The following KIT variants were observed in gnomAD, a reference collection of about 807,000 sequenced individuals.
The protein encoded by KIT is KIT proto-oncogene, receptor tyrosine kinase, also known as mast/stem cell growth factor receptor Kit.
A neutral mutation model predicts 105.7 loss-of-function variants in KIT; 16 were observed. That is an observed-to-expected ratio of 0.15 (90% CI 0.10 to 0.23). KIT has a LOEUF of 0.23. Among genes scored for constraint, KIT ranks in the 10% least tolerant of loss-of-function variants. The pLI is 1.00. For missense variants in KIT, 858 were observed against 1,213.8 expected, an observed-to-expected ratio of 0.71 and a Z score of 4.36; for synonymous variants, 438 against 441.1, an observed-to-expected ratio of 0.99 and a Z score of 0.09.
At chr4:54,732,936 G>T in intron 16 of KIT, 134 bp from the exon 17 acceptor site, 2 of 679,746 alleles carry the variant, frequency 2.9e-6, no homozygotes, top group Non-Finnish European at 2.5e-6. Flanking sequence ...TATTTTTGGT[G>T]TACTGAATAC....
chr4:54,680,702 T>G (rs1718848039), intron 1 of KIT, among the ~76,000 whole-genome samples: 1 of 152,120 alleles, frequency 6.6e-6, no homozygotes, highest in Admixed American at 6.5e-5. Flanking sequence ...TTATTTGTCT[T>G]CCTCAAAACT....
intron 17 of KIT, among the ~76,000 whole-genome samples, chr4:54,735,967 G>T (rs548059152): frequency 3.9e-5 from 6 of 152,220 alleles, no homozygotes; most frequent in Non-Finnish European, 4.4e-5. Flanking sequence ...GGGGGCCCTT[G>T]CACTAGAGAA....
intron 2 of KIT, among the ~76,000 whole-genome samples, 197 bp from the exon 3 acceptor site, chr4:54,698,087 G>A (rs567374405): frequency 6.6e-6 from 1 of 152,258 alleles, no homozygotes; most frequent in Admixed American, 6.5e-5. Context: ...CAAGCTTAGT[G>A]CGTGATACAT....
chr4:54,698,185 C>A, intron 2 of KIT, 99 bp from the exon 3 acceptor site: 1 of 1,237,288 alleles, frequency 8.1e-7, no homozygotes. Flanking sequence ...GCCATTTGGG[C>A]CACTAGTCAT....
chr4:54,710,905 G>A (rs1475304684), intron 7 of KIT, among the ~76,000 whole-genome samples: 1 of 152,132 alleles, frequency 6.6e-6, no homozygotes, highest in African/African-American at 2.4e-5. Context: ...TGACAAACAT[G>A]TTGAGCCAGC....
intron 1 of KIT, among the ~76,000 whole-genome samples, chr4:54,689,306 A>C (rs986292415): frequency 6.6e-6 from 1 of 152,206 alleles, no homozygotes; most frequent in African/African-American, 2.4e-5. Context: ...TATCGAATAC[A>C]ACTCCCATAA....
At chr4:54,716,987 A>G (rs1721544451) in intron 7 of KIT, among the ~76,000 whole-genome samples, 1 of 152,184 alleles carries the variant, frequency 6.6e-6, no homozygotes, top group Non-Finnish European at 1.5e-5. Flanking sequence ...TAATCTTTTT[A>G]TAGATAATAT....
intron 7 of KIT, among the ~76,000 whole-genome samples, chr4:54,719,138 G>A (rs1186787077): frequency 2.0e-5 from 3 of 152,172 alleles, no homozygotes; most frequent in Non-Finnish European, 4.4e-5. Flanking sequence ...TTAAGTGTTT[G>A]CGTTTTTTGT....
chr4:54,733,520 C>A, intron 17 of KIT: 1 of 297,368 alleles, frequency 3.4e-6, no homozygotes, highest in South Asian at 3.3e-5. Flanking sequence ...TTGAAGGTCA[C>A]AGCAGGAGAA....
At chr4:54,678,008 G>A (rs1718605866) in intron 1 of KIT, among the ~76,000 whole-genome samples, 2 of 152,302 alleles carry the variant, frequency 1.3e-5, no homozygotes, top group South Asian at 2.1e-4. Flanking sequence ...GTTGATTGAT[G>A]TGTGGTTTTT....
At chr4:54,707,057 G>A (rs750545334) in intron 5 of KIT, 41 bp from the exon 6 acceptor site, 2 of 1,162,400 alleles carry the variant, frequency 1.7e-6, no homozygotes, top group Non-Finnish European at 2.6e-6. Context: ...TCCAGTAGTT[G>A]TAGATAATGG....
At chr4:54,696,503 A>G (rs76488216) in intron 2 of KIT, among the ~76,000 whole-genome samples, 2,357 of 152,184 alleles carry the variant, frequency 0.015, 76 homozygotes, top group African/African-American at 0.053. Context: ...ATAGAGTTCT[A>G]TTTTCTAGTT....
chr4:54,735,206 T>A (rs1038433679), intron 17 of KIT, among the ~76,000 whole-genome samples: 25 of 152,078 alleles, frequency 1.6e-4, no homozygotes, highest in Admixed American at 1.6e-3. Flanking sequence ...AAAATAAGGA[T>A]GTCATTTTTC....
At chr4:54,687,856 C>T (rs946961887) in intron 1 of KIT, among the ~76,000 whole-genome samples, 1 of 152,156 alleles carries the variant, frequency 6.6e-6, no homozygotes, top group Non-Finnish European at 1.5e-5. Flanking sequence ...GCCTGTAGCA[C>T]GTGTGTCACC....
At chr4:54,700,407 C>A (rs1424412210) in intron 4 of KIT, among the ~76,000 whole-genome samples, 1 of 152,198 alleles carries the variant, frequency 6.6e-6, no homozygotes, top group African/African-American at 2.4e-5. Context: ...AATGCATATT[C>A]AATGCCATTA....
At chr4:54,690,000 CATACTGT>C (rs1719580413) in intron 1 of KIT, among the ~76,000 whole-genome samples, 1 of 150,418 alleles carries the variant, frequency 6.6e-6, no homozygotes. Context: ...TTTGACCTAG[CATACTGT>C]TTGCAAGGTT....
chr4:54,675,416 G>C (rs1718399294), intron 1 of KIT, among the ~76,000 whole-genome samples: 1 of 152,166 alleles, frequency 6.6e-6, no homozygotes, highest in Non-Finnish European at 1.5e-5. Flanking sequence ...AGGGAAACAG[G>C]CTTAATGTAT....
At position 54,698,314 on chromosome 4, in the gene KIT, C is replaced by T. The variant is rs371303702; in HGVS notation, c.368C>T (p.Ser123Phe). Reference sequence around the variant, plus strand: ...GCCAAGCTTTTCCTTGTTGACCGCTCCTTGTATGGGAAAGAAGACAACGAC... The same window carrying T: ...GCCAAGCTTTTCCTTGTTGACCGCTTCTTGTATGGGAAAGAAGACAACGAC... ...DPAKLFLVDRSLYGKEDNDTL... is the reference protein window; with the variant it reads ...DPAKLFLVDRFLYGKEDNDTL... The change falls in exon 3 of 21, where the codon TCC (serine) becomes TTC (phenylalanine). Residue 123 changes from serine to phenylalanine, a missense_variant. Physicochemically the swap from Ser to Phe is radical, Grantham distance 155. This residue lies in a region of KIT where 401 missense variants were observed against 601.0 expected (regional missense o/e 0.67). Coordinates refer to ENST00000288135, the MANE Select transcript of KIT (RefSeq NM_000222.3). The T allele has an allele frequency of 1.2e-6, 2 of 1,613,962 alleles. No homozygotes were observed. Among genetic ancestry groups the T allele is most frequent in the Non-Finnish European group, 1.7e-6 (2 of 1,179,932 alleles).
In KIT at chr4:54,740,047, A is replaced by G. The variant is rs1453677245; in HGVS notation, c.*1490A>G. 1 of 233,142 alleles carries G rather than the reference A, an allele frequency of 4.3e-6. No homozygotes were observed. The highest frequency in any genetic ancestry group is 2.2e-5 in the African/African-American group (1 of 45,164). 14.4% of individuals were successfully genotyped at this position (233,142 alleles called of 1,614,324 possible). A position where few individuals can be genotyped will look rare whatever the true frequency, so the allele number is the denominator to read the frequency against. On this transcript the variant is annotated 3_prime_UTR_variant, in exon 21 of 21. Transcript: ENST00000288135. ...AAAACAAAACAAAACAAAACAAAAAACTCCCCTTCCTCACTGCCCAATATA... is the reference window on the plus strand; with the variant it reads ...AAAACAAAACAAAACAAAACAAAAAGCTCCCCTTCCTCACTGCCCAATATA...
Sources: gnomAD v4.1 joint callset for allele counts (sites outside exome capture counted in the v4.1 genomes callset) on GRCh38, gnomAD v4.1.1 for gene constraint, gnomAD v4.1.1 regional missense constraint, MANE v1.5 for transcripts, NCBI Gene and HGNC (gene_info 2026-07-23, HGNC 2026-07-21) for gene names.